Variants in CCSER1 observed in about 807,000 individuals in gnomAD.
The protein encoded by CCSER1 is serine-rich coiled-coil domain-containing protein 1.
CCSER1 carries 41 observed loss-of-function variants against 82.0 expected under a neutral mutation model. That is an observed-to-expected ratio of 0.50 (90% CI 0.39 to 0.65). CCSER1 has a LOEUF of 0.65. CCSER1 is among the 30% of genes least tolerant of loss of function. The probability of loss-of-function intolerance (pLI) is 0.00; values close to 1 mark genes in which losing one functional copy is unlikely to be tolerated. For missense variants in CCSER1, 1,119 were observed against 1,064.2 expected (o/e 1.05, Z -0.72); for synonymous variants, 414 against 383.9 (o/e 1.08, Z -0.92).
Position 90,782,681 on chromosome 4 carries a change from C to CTTTTTTT in CCSER1, c.2011-33078_2011-33077insTTTTTTT, listed in dbSNP as rs200701722. Among the ~76,000 whole-genome samples the CTTTTTTT allele has an allele frequency of 9.8e-4, 121 of 123,914 alleles. 8 individuals are homozygous for CTTTTTTT. Among genetic ancestry groups the CTTTTTTT allele is most frequent in the East Asian group, 2.8e-3 (11 of 3,960 alleles). The allele number at this position is 123,914 out of a possible 152,430, so 81.3% of individuals were successfully genotyped here. The stretch of plus-strand genomic sequence containing the variant: ...GGACAGGGATTTCTTTCTTTTCTTT[C>CTTTTTTT]TTTCTTTTTTTTTTTTTTTTGAGAC... On this transcript the variant is annotated intron_variant, in intron 7 of 10. Transcript: ENST00000509176.
Position 91,235,258 on chromosome 4 carries a change from G to A in CCSER1, c.2217+149264G>A, listed in dbSNP as rs1368896515. ...ATAGCAAATTCATATGGATTCATGA[G>A]ACACTTGTAATAAGGAAGGTAAAAT... On this transcript the variant is annotated intron_variant, in intron 10 of 10. Coordinates refer to ENST00000509176, the MANE Select transcript of CCSER1 (RefSeq NM_001145065.2). Among the ~76,000 whole-genome samples, 3 of 152,090 alleles carry A rather than the reference G, an allele frequency of 2.0e-5. No individual in the cohort carries two copies. In the East Asian group the frequency reaches 5.8e-4, roughly 29 times the overall value.
At chr4:90,356,575 G>A (rs1174311950) in intron 3 of CCSER1, among the ~76,000 whole-genome samples, 1 of 151,550 alleles carries the variant, frequency 6.6e-6, no homozygotes, top group East Asian at 1.9e-4. Flanking sequence ...TACAAAATCA[G>A]GATAATAATC....
In CCSER1 at chr4:91,526,602, T is replaced by G. The variant is rs538136327; in HGVS notation, c.2218-71970T>G. ...CCACCCTTTTCTTCAGATCATATAC[T>G]CTATTATTTACTTATTTCTTGAGAT... On this transcript the variant is annotated intron_variant, in intron 10 of 10. Coordinates refer to ENST00000509176, the MANE Select transcript of CCSER1 (RefSeq NM_001145065.2). Among the ~76,000 whole-genome samples, 91 of 152,276 alleles carry G rather than the reference T, an allele frequency of 6.0e-4. 2 individuals carry two copies. The South Asian group carries it at 0.018, about 31-fold the overall frequency.
In CCSER1 at chr4:90,268,658, G is replaced by A. The variant is rs143145006; in HGVS notation, c.-41-39586G>A. Among the ~76,000 whole-genome samples the A allele has an allele frequency of 2.0e-5, 3 of 152,018 alleles. No homozygotes were observed. In the East Asian group the frequency reaches 5.8e-4, roughly 29 times the overall value. ...GGAAGTGGGACCACACAAAACATCA[G>A]AAAAATAAATAACAAAATGGCAGGA... On this transcript the variant is annotated intron_variant, in intron 1 of 10. Transcript: ENST00000509176.
intron 10 of CCSER1, among the ~76,000 whole-genome samples, chr4:91,485,753 A>T (rs1356950097): frequency 6.6e-6 from 1 of 152,170 alleles, no homozygotes; most frequent in Non-Finnish European, 1.5e-5. Context: ...TTAAAATGGC[A>T]TTATTTTCAC....
chr4:90,817,463 T>A (rs1173880969), intron 8 of CCSER1, among the ~76,000 whole-genome samples: 4 of 152,020 alleles, frequency 2.6e-5, no homozygotes, highest in Non-Finnish European at 5.9e-5. Context: ...ATTTAAAAAA[T>A]TTAGTATACC....
intron 1 of CCSER1, among the ~76,000 whole-genome samples, chr4:90,134,978 A>G (rs1221493132): frequency 6.6e-6 from 1 of 152,248 alleles, no homozygotes; most frequent in Non-Finnish European, 1.5e-5. Context: ...ATAAAACTAG[A>G]TTAATAATAT....
intron 7 of CCSER1, among the ~76,000 whole-genome samples, chr4:90,750,979 A>G (rs1748547934): frequency 6.6e-6 from 1 of 152,170 alleles, no homozygotes. Context: ...GACCTTTATT[A>G]GTAATCATTT....
chr4:90,295,207 A>G (rs973753442), intron 1 of CCSER1, among the ~76,000 whole-genome samples: 1 of 151,916 alleles, frequency 6.6e-6, no homozygotes, highest in Non-Finnish European at 1.5e-5. Flanking sequence ...TTCTAGGGTA[A>G]ATGCTGAGAA....
At chr4:91,301,998 T>G (rs1346163555) in intron 10 of CCSER1, among the ~76,000 whole-genome samples, 1 of 151,848 alleles carries the variant, frequency 6.6e-6, no homozygotes, top group Non-Finnish European at 1.5e-5. Context: ...TTTATTTCCT[T>G]TTTCCCTTGT....
intron 1 of CCSER1, among the ~76,000 whole-genome samples, chr4:90,176,912 C>T (rs1732797981): frequency 6.6e-6 from 1 of 151,956 alleles, no homozygotes; most frequent in Non-Finnish European, 1.5e-5. Flanking sequence ...GTCATATTCC[C>T]CTATTTCACA....
chr4:90,442,086 T>G (rs1031876846), intron 4 of CCSER1, among the ~76,000 whole-genome samples: 5 of 151,396 alleles, frequency 3.3e-5, no homozygotes, highest in Admixed American at 6.6e-5. Context: ...AGAACAGCAG[T>G]TTTTTTTTAG....
In CCSER1 at chr4:91,216,901, G is replaced by A. The variant is rs1737286530; in HGVS notation, c.2217+130907G>A. On this transcript the variant is annotated intron_variant, in intron 10 of 10. Transcript: ENST00000509176. ...ACAAACAATATTGATATGAGAAAGG[G>A]AGGGAGAAGGAAATTGATTAAGCCA... Among the ~76,000 whole-genome samples, 2 of 152,146 alleles carry A rather than the reference G, an allele frequency of 1.3e-5. 1 individual carries two copies. The highest frequency in any genetic ancestry group is 4.1e-4 in the South Asian group (2 of 4,830).
intron 6 of CCSER1, among the ~76,000 whole-genome samples, chr4:90,707,846 G>A (rs972473430): frequency 1.3e-4 from 20 of 152,104 alleles, no homozygotes; most frequent in African/African-American, 4.8e-4. Context: ...TAACGAGTAG[G>A]CCTCACTCTC....
intron 5 of CCSER1, among the ~76,000 whole-genome samples, chr4:90,571,980 T>C (rs1780173281): frequency 6.6e-6 from 1 of 152,196 alleles, no homozygotes; most frequent in Non-Finnish European, 1.5e-5. Flanking sequence ...TATTTTATAC[T>C]TTCTGAATAT....
intron 3 of CCSER1, among the ~76,000 whole-genome samples, chr4:90,379,184 A>G (rs1443734362): frequency 6.6e-6 from 1 of 152,194 alleles, no homozygotes; most frequent in Non-Finnish European, 1.5e-5. Flanking sequence ...GCAGCTCTTC[A>G]GGACTGCTCT....
At chr4:90,404,463 A>G (rs1317713588) in intron 4 of CCSER1, among the ~76,000 whole-genome samples, 1 of 152,142 alleles carries the variant, frequency 6.6e-6, no homozygotes, top group South Asian at 2.1e-4. Flanking sequence ...CTGAATACTT[A>G]ACCAAGTGTC....
intron 9 of CCSER1, among the ~76,000 whole-genome samples, chr4:90,957,661 T>TAA (rs997991906): frequency 4.8e-5 from 6 of 124,420 alleles, no homozygotes; most frequent in Non-Finnish European, 6.5e-5. Flanking sequence ...ATTATATATA[T>TAA]AACTATATAA....
intron 5 of CCSER1, among the ~76,000 whole-genome samples, chr4:90,549,739 G>A (rs1777225279): frequency 7.2e-6 from 1 of 139,448 alleles, no homozygotes. Context: ...TAAGGGTTGG[G>A]GTACCAGGGC....
Sources: gnomAD v4.1 joint callset for allele counts (sites outside exome capture counted in the v4.1 genomes callset) on GRCh38, gnomAD v4.1.1 for gene constraint, MANE v1.5 for transcripts, NCBI Gene and HGNC (gene_info 2026-07-23, HGNC 2026-07-21) for gene names.